The following CRADD variants were observed in gnomAD, a reference collection of about 807,000 sequenced individuals.
CRADD encodes the protein CARD and death domain containing adaptor protein, also known as death domain-containing protein CRADD.
A neutral mutation model predicts 15.5 loss-of-function variants in CRADD; 9 were observed. The ratio of observed to expected loss-of-function variants is 0.58; its 90% CI spans 0.35 to 1.01. The LOEUF is 1.01. CRADD is among the 50% of genes least tolerant of loss of function. The pLI, the probability that CRADD is intolerant of heterozygous loss-of-function variation, is 0.02. For synonymous variants in CRADD, 118 were observed against 107.6 expected (o/e 1.10, Z -0.60); for missense variants, 227 against 250.3 (o/e 0.91, Z 0.63).
At chr12:93,857,695 C>T in intron 2 of CRADD, among the ~76,000 whole-genome samples, 1 of 152,170 alleles carries the variant, frequency 6.6e-6, no homozygotes, top group East Asian at 1.9e-4. Context: ...GCTACTTCCA[C>T]TTATGACGGA....
intron 2 of CRADD, among the ~76,000 whole-genome samples, chr12:93,880,119 T>C (rs7312874): frequency 0.012 from 1,779 of 152,226 alleles, 26 homozygotes; most frequent in African/African-American, 0.039. Flanking sequence ...GCTTTGGTAT[T>C]CCTGTCAGCC....
At chr12:93,799,398 C>A (rs1035065974) in intron 2 of CRADD, among the ~76,000 whole-genome samples, 4 of 152,122 alleles carry the variant, frequency 2.6e-5, no homozygotes, top group African/African-American at 9.7e-5. Context: ...TAGAAATGCA[C>A]CAGGAGTTTC....
intron 2 of CRADD, among the ~76,000 whole-genome samples, chr12:93,833,560 A>T (rs903749583): frequency 1.3e-5 from 2 of 151,958 alleles, no homozygotes; most frequent in Admixed American, 1.3e-4. Flanking sequence ...TGCCCAGGCT[A>T]GTCTTGAACT....
At chr12:93,726,094 G>GT (rs1165429350) in intron 2 of CRADD, among the ~76,000 whole-genome samples, 22,164 of 95,948 alleles carry the variant, frequency 0.23, 3,338 homozygotes, top group East Asian at 0.32. Flanking sequence ...AAATAGTTTA[G>GT]TTTTTTTTTT....
chr12:93,771,980 T>C (rs150794808), intron 2 of CRADD, among the ~76,000 whole-genome samples: 1 of 152,330 alleles, frequency 6.6e-6, no homozygotes, highest in East Asian at 1.9e-4. Context: ...ACAAATATAG[T>C]GTAAGTGTGG....
chr12:93,834,049 G>T (rs1324356064), intron 2 of CRADD, among the ~76,000 whole-genome samples: 1 of 152,286 alleles, frequency 6.6e-6, no homozygotes, highest in East Asian at 1.9e-4. Flanking sequence ...TGGTGAGCCT[G>T]GGTGCTCATG....
chr12:93,803,572 C>T (rs1957499452), intron 2 of CRADD, among the ~76,000 whole-genome samples: 1 of 152,166 alleles, frequency 6.6e-6, no homozygotes, highest in Admixed American at 6.5e-5. Flanking sequence ...CCTGCCTTGC[C>T]AGTAAGCTGT....
At chr12:93,868,129 A>C (rs1462413087) in intron 2 of CRADD, among the ~76,000 whole-genome samples, 1 of 152,210 alleles carries the variant, frequency 6.6e-6, no homozygotes, top group Non-Finnish European at 1.5e-5. Flanking sequence ...ATGTGGATTT[A>C]GTTTGACTCA....
intron 2 of CRADD, chr12:93,709,142 C>T (rs1956012623): frequency 6.6e-6 from 1 of 152,276 alleles, no homozygotes; most frequent in African/African-American, 2.4e-5. Flanking sequence ...AGATCATGTG[C>T]ATCAGCTCTC....
intron 2 of CRADD, among the ~76,000 whole-genome samples, chr12:93,840,169 A>G (rs1380098901): frequency 6.6e-6 from 1 of 152,172 alleles, no homozygotes; most frequent in Non-Finnish European, 1.5e-5. Context: ...AGGAATTGGC[A>G]TCTTTATATT....
At chr12:93,817,764 G>A (rs1264688690) in intron 2 of CRADD, among the ~76,000 whole-genome samples, 1 of 151,910 alleles carries the variant, frequency 6.6e-6, no homozygotes, top group African/African-American at 2.4e-5. Context: ...CCTTCTTCAG[G>A]AAGCTCAGGC....
intron 2 of CRADD, among the ~76,000 whole-genome samples, chr12:93,711,053 G>A (rs1005876878): frequency 5.1e-4 from 9 of 17,760 alleles, no homozygotes; most frequent in Admixed American, 3.0e-3. Flanking sequence ...TCCCACCCCC[G>A]CCTTTTTTTT....
At chr12:93,814,939 A>AAAT (rs1276014641) in intron 2 of CRADD, among the ~76,000 whole-genome samples, 3 of 152,182 alleles carry the variant, frequency 2.0e-5, no homozygotes, top group Non-Finnish European at 2.9e-5. Flanking sequence ...CAAATTATGC[A>AAAT]GTGTTTGAAA....
At chr12:93,861,120 A>G (rs890471162) in intron 2 of CRADD, among the ~76,000 whole-genome samples, 2 of 152,176 alleles carry the variant, frequency 1.3e-5, no homozygotes, top group South Asian at 2.1e-4. Context: ...GCCGTTGTAA[A>G]GAGGGGAAGG....
At chr12:93,682,606 C>A (rs1238749312) in intron 2 of CRADD, among the ~76,000 whole-genome samples, 1 of 152,114 alleles carries the variant, frequency 6.6e-6, no homozygotes, top group Admixed American at 6.6e-5. Flanking sequence ...TGAGCTGTCT[C>A]AGAGGCTTTA....
rs761719331 is a variant in CRADD at position 93,886,162 on chromosome 12, C to CTTTTTTTTTTT, written c.299-7878_299-7868dup. On this transcript the variant is annotated intron_variant, in intron 2 of 2. Transcript: ENST00000548483. Reference sequence around the variant, plus strand: ...ATGGACATGCCTCTAGCTGCTGATGCTTTTTTTTTTTTTTTTTTTTGAGAC... The same window carrying CTTTTTTTTTTT: ...ATGGACATGCCTCTAGCTGCTGATGCTTTTTTTTTTTTTTTTTTTTTTTTTTTTTTTGAGAC... 2.4e-5 allele frequency among the ~76,000 whole-genome samples: 3 copies of CTTTTTTTTTTT among 123,948 alleles called. 1 individual carries two copies. 81.3% of individuals were successfully genotyped at this position (123,948 alleles called of 152,430 possible).
chr12:93,853,959 G>A (rs1958249850), downstream of CRADD, among the ~76,000 whole-genome samples: 1 of 152,166 alleles, frequency 6.6e-6, no homozygotes, highest in Admixed American at 6.5e-5. Context: ...TGCAAGGAAG[G>A]GAGTGTTTGT....
At chr12:93,784,103 C>A (rs1957245195) in intron 2 of CRADD, among the ~76,000 whole-genome samples, 1 of 152,020 alleles carries the variant, frequency 6.6e-6, no homozygotes, top group Non-Finnish European at 1.5e-5. Flanking sequence ...TGGCTGGTCC[C>A]ACGTAACAAT....
intron 2 of CRADD, among the ~76,000 whole-genome samples, chr12:93,876,909 GA>G (rs781392240): frequency 2.0e-5 from 3 of 152,070 alleles, no homozygotes; most frequent in Non-Finnish European, 4.4e-5. Context: ...ATTGAAGAGT[GA>G]GGTATTTATT....
Sources: allele counts gnomAD v4.1 joint callset (sites outside exome capture counted in the v4.1 genomes callset), GRCh38; gene constraint gnomAD v4.1.1; transcripts MANE v1.5; gene names NCBI Gene and HGNC (gene_info 2026-07-23, HGNC 2026-07-21).